VWA8: variants seen among roughly 807,000 people sequenced by gnomAD.
VWA8 encodes the protein von Willebrand factor A domain-containing protein 8.
VWA8 carries 221 observed loss-of-function variants against 241.5 expected under a neutral mutation model. The ratio of observed to expected loss-of-function variants is 0.91; its 90% CI spans 0.82 to 1.02. The LOEUF (loss-of-function observed/expected upper bound fraction) is 1.02, where lower values mean the gene tolerates loss of function less well. Among genes scored for constraint, VWA8 ranks in the 50% least tolerant of loss-of-function variants. The pLI, the probability that VWA8 is intolerant of heterozygous loss-of-function variation, is 0.00. For missense variants in VWA8, 2,322 were observed against 2,328.7 expected, an observed-to-expected ratio of 1.00 and a Z score of 0.06; for synonymous variants, 852 against 827.1, an observed-to-expected ratio of 1.03 and a Z score of -0.52.
intron 26 of VWA8, among the ~76,000 whole-genome samples, chr13:41,711,996 G>T (rs956737325): frequency 7.9e-5 from 12 of 151,252 alleles, no homozygotes; most frequent in Non-Finnish European, 4.4e-5. Flanking sequence ...AAAGATTTAG[G>T]ATACAAATAC....
chr13:41,817,079 G>T (rs1487866747), intron 15 of VWA8, among the ~76,000 whole-genome samples: 1 of 152,060 alleles, frequency 6.6e-6, no homozygotes, highest in Non-Finnish European at 1.5e-5. Context: ...CTGGCCCATA[G>T]TGTACCCATA....
chr13:41,668,625 C>A (rs1028682091), intron 37 of VWA8, among the ~76,000 whole-genome samples: 1 of 152,046 alleles, frequency 6.6e-6, no homozygotes, highest in Non-Finnish European at 1.5e-5. Flanking sequence ...GTTGTATAAA[C>A]CACTTGTAAT....
chr13:41,951,544 C>T (rs900017215), intron 1 of VWA8, among the ~76,000 whole-genome samples: 8 of 152,122 alleles, frequency 5.3e-5, no homozygotes, highest in African/African-American at 9.7e-5. Context: ...CTTCTAAAGC[C>T]GAGGACTAAA....
intron 17 of VWA8, 47 bp from the exon 18 acceptor site, chr13:41,787,590 T>A: frequency 8.7e-7 from 1 of 1,151,972 alleles, no homozygotes; most frequent in South Asian, 1.2e-5. Flanking sequence ...AAGTCAAAGC[T>A]TTCTGCGATT....
chr13:41,718,513 T>C (rs919079938), intron 26 of VWA8, among the ~76,000 whole-genome samples: 1 of 151,934 alleles, frequency 6.6e-6, no homozygotes, highest in Non-Finnish European at 1.5e-5. Flanking sequence ...TATAAACCAA[T>C]GCACGGATAA....
chr13:41,960,656 G>C (rs2138178972), intron 1 of VWA8, among the ~76,000 whole-genome samples, 197 bp downstream of exon 1: 1 of 152,360 alleles, frequency 6.6e-6, no homozygotes, highest in Admixed American at 6.5e-5. Flanking sequence ...CAGGCACAGA[G>C]AGGGCGAGCG....
chr13:41,858,968 T>G (rs1872882423), intron 12 of VWA8, among the ~76,000 whole-genome samples: 1 of 151,926 alleles, frequency 6.6e-6, no homozygotes, highest in Non-Finnish European at 1.5e-5. Flanking sequence ...TCTCAGAGCT[T>G]TAGGAGGCTG....
At chr13:41,808,073 T>C (rs1870298088) in intron 17 of VWA8, 1 of 152,140 alleles carries the variant, frequency 6.6e-6, no homozygotes, top group African/African-American at 2.4e-5. Context: ...ACTATACTTA[T>C]ATCAGACAAA....
intron 2 of VWA8, among the ~76,000 whole-genome samples, chr13:41,944,729 T>C (rs1395805607): frequency 6.6e-6 from 1 of 152,204 alleles, no homozygotes; most frequent in Non-Finnish European, 1.5e-5. Context: ...ACTTGACCTG[T>C]CTGGCAGCTC....
intron 42 of VWA8, among the ~76,000 whole-genome samples, chr13:41,583,873 T>G (rs1014968269): frequency 6.6e-6 from 1 of 152,038 alleles, no homozygotes; most frequent in African/African-American, 2.4e-5. Context: ...ACTGATAAAA[T>G]TGAATTTGAG....
At chr13:41,879,757 G>T (rs1404276805) in intron 9 of VWA8, among the ~76,000 whole-genome samples, 3 of 151,992 alleles carry the variant, frequency 2.0e-5, no homozygotes, top group African/African-American at 7.3e-5. Context: ...AGAGGGTGTT[G>T]TGTATCCCAA....
chr13:41,774,648 A>T (rs775099180), intron 20 of VWA8, among the ~76,000 whole-genome samples: 2 of 152,252 alleles, frequency 1.3e-5, no homozygotes, highest in Non-Finnish European at 2.9e-5. Flanking sequence ...CAGAGAGTGC[A>T]GTCAAGCCTT....
chr13:41,692,817 A>G (rs1265285792), intron 30 of VWA8, 45 bp downstream of exon 30: 1 of 1,505,856 alleles, frequency 6.6e-7, no homozygotes, highest in Non-Finnish European at 9.2e-7. Context: ...TTAGAAAGCT[A>G]TAGAAATCCT....
intron 26 of VWA8, among the ~76,000 whole-genome samples, chr13:41,709,522 C>T (rs544453615): frequency 6.6e-6 from 1 of 152,294 alleles, no homozygotes; most frequent in African/African-American, 2.4e-5. Flanking sequence ...TCAGCCTCAC[C>T]ACTCAGCATG....
At chr13:41,890,024 A>G (rs1443861554) in intron 5 of VWA8, among the ~76,000 whole-genome samples, 2 of 152,226 alleles carry the variant, frequency 1.3e-5, no homozygotes, top group Non-Finnish European at 2.9e-5. Context: ...TACTTGATTA[A>G]ATCCTTGATT....
intron 19 of VWA8, among the ~76,000 whole-genome samples, chr13:41,780,775 C>G (rs572876360): frequency 6.6e-6 from 1 of 152,308 alleles, no homozygotes; most frequent in South Asian, 2.1e-4. Flanking sequence ...TCATTGCTTA[C>G]ATTCTTGATC....
intron 24 of VWA8, among the ~76,000 whole-genome samples, chr13:41,725,440 A>C (rs7334143): frequency 0.16 from 24,738 of 152,194 alleles, 2,147 homozygotes; most frequent in Non-Finnish European, 0.2. Context: ...ACTAGCCATG[A>C]ATGTCTAAGA....
At chr13:41,866,711 A>T (rs544777377) in intron 10 of VWA8, among the ~76,000 whole-genome samples, 1 of 152,004 alleles carries the variant, frequency 6.6e-6, no homozygotes, top group African/African-American at 2.4e-5. Context: ...TGGAGAATAA[A>T]TTTTTTTCCC....
chr13:41,596,976 AC>A (rs1248889646), intron 40 of VWA8, among the ~76,000 whole-genome samples: 2 of 151,912 alleles, frequency 1.3e-5, no homozygotes, highest in African/African-American at 4.8e-5. Flanking sequence ...ATTAATCAAG[AC>A]TTTTTTTTTA....
Sources: allele counts gnomAD v4.1 joint callset (sites outside exome capture counted in the v4.1 genomes callset), GRCh38; gene constraint gnomAD v4.1.1; transcripts MANE v1.5; gene names NCBI Gene and HGNC (gene_info 2026-07-23, HGNC 2026-07-21).